ADAMTS6: variants seen among roughly 807,000 people sequenced by gnomAD.
ADAMTS6 encodes the protein A disintegrin and metalloproteinase with thrombospondin motifs 6.
A neutral mutation model predicts 144.3 loss-of-function variants in ADAMTS6; 23 were observed. That is an observed-to-expected ratio of 0.16 (90% CI 0.11 to 0.23). The LOEUF is 0.23. Among genes scored for constraint, ADAMTS6 ranks in the 10% least tolerant of loss-of-function variants. ADAMTS6 has a pLI of 1.00. For synonymous variants in ADAMTS6, 444 were observed against 457.5 expected (o/e 0.97, Z 0.38); for missense variants, 999 against 1,379.6 (o/e 0.72, Z 4.37).
intron 20 of ADAMTS6, among the ~76,000 whole-genome samples, chr5:65,209,351 T>C (rs895345139): frequency 3.3e-5 from 5 of 152,192 alleles, no homozygotes; most frequent in Non-Finnish European, 7.4e-5. Flanking sequence ...CAAATTCTAG[T>C]AGCAATGGTT....
At chr5:65,206,871 TACAC>T (rs369239207) in intron 20 of ADAMTS6, among the ~76,000 whole-genome samples, 1 of 135,726 alleles carries the variant, frequency 7.4e-6, no homozygotes, top group African/African-American at 2.8e-5. Context: ...CACACACAAA[TACAC>T]ACACACACAG....
intron 7 of ADAMTS6, among the ~76,000 whole-genome samples, chr5:65,361,068 T>C (rs1749783857): frequency 6.6e-6 from 1 of 152,154 alleles, no homozygotes; most frequent in African/African-American, 2.4e-5. Flanking sequence ...CAGAGTAGCA[T>C]GAACCTCTCT....
intron 9 of ADAMTS6, among the ~76,000 whole-genome samples, chr5:65,315,457 T>G (rs1303864585): frequency 6.6e-6 from 1 of 151,828 alleles, no homozygotes; most frequent in Non-Finnish European, 1.5e-5. Flanking sequence ...ATACAATAAA[T>G]AGAAAAGTTA....
At chr5:65,171,934 C>T (rs566738701) in intron 23 of ADAMTS6, among the ~76,000 whole-genome samples, 6 of 151,826 alleles carry the variant, frequency 4.0e-5, no homozygotes, top group African/African-American at 7.2e-5. Flanking sequence ...AATCTATGGG[C>T]CTGCCATCGA....
intron 21 of ADAMTS6, among the ~76,000 whole-genome samples, chr5:65,195,624 G>A (rs562828247): frequency 6.6e-6 from 1 of 152,292 alleles, no homozygotes; most frequent in Admixed American, 6.5e-5. Flanking sequence ...TGGTTTAAAC[G>A]TTATTTGGGA....
intron 11 of ADAMTS6, among the ~76,000 whole-genome samples, chr5:65,284,465 A>G (rs1219366768): frequency 6.6e-6 from 1 of 152,154 alleles, no homozygotes; most frequent in Admixed American, 6.6e-5. Flanking sequence ...GGTTTGTTTC[A>G]GTGAGAAAAT....
chr5:65,328,893 G>GA (rs1561429844), intron 9 of ADAMTS6, among the ~76,000 whole-genome samples: 1 of 148,884 alleles, frequency 6.7e-6, no homozygotes, highest in Admixed American at 6.7e-5. Context: ...ACTTCTTGCA[G>GA]TTTTTTTTTT....
chr5:65,438,419 T>C (rs74929530), intron 7 of ADAMTS6, among the ~76,000 whole-genome samples: 2,524 of 152,188 alleles, frequency 0.017, 30 homozygotes, highest in East Asian at 0.084. Context: ...TCCCAGCTAC[T>C]TGGGAGGCTG....
chr5:65,371,926 G>A (rs966455664), intron 7 of ADAMTS6, among the ~76,000 whole-genome samples: 13 of 152,032 alleles, frequency 8.6e-5, no homozygotes, highest in Admixed American at 2.0e-4. Context: ...TGGACCTCTC[G>A]GCAGAAACTC....
At chr5:65,390,595 G>A (rs1197728961) in intron 7 of ADAMTS6, among the ~76,000 whole-genome samples, 1 of 152,184 alleles carries the variant, frequency 6.6e-6, no homozygotes, top group African/African-American at 2.4e-5. Context: ...TTCTGCATAT[G>A]TTCTAAAAGG....
intron 7 of ADAMTS6, among the ~76,000 whole-genome samples, chr5:65,372,542 A>G (rs1751063484): frequency 6.6e-6 from 1 of 152,042 alleles, no homozygotes; most frequent in South Asian, 2.1e-4. Context: ...GGATCAATTC[A>G]ACAAGAAGAG....
chr5:65,209,361 T>C (rs1451135288), intron 20 of ADAMTS6, among the ~76,000 whole-genome samples: 2 of 152,218 alleles, frequency 1.3e-5, no homozygotes, highest in African/African-American at 4.8e-5. Flanking sequence ...TAGCAATGGT[T>C]CTGGAAATAG....
At chr5:65,417,013 C>T (rs904465810) in intron 7 of ADAMTS6, among the ~76,000 whole-genome samples, 3 of 152,034 alleles carry the variant, frequency 2.0e-5, no homozygotes, top group African/African-American at 4.8e-5. Flanking sequence ...AACAGCATAA[C>T]AAAAAGTTAA....
At chr5:65,248,273 C>T (rs1041034189) in intron 14 of ADAMTS6, among the ~76,000 whole-genome samples, 1 of 152,054 alleles carries the variant, frequency 6.6e-6, no homozygotes, top group African/African-American at 2.4e-5. Flanking sequence ...TCTCTTTTTT[C>T]TCCCAAATAG....
chr5:65,338,646 A>C (rs1284300895), intron 7 of ADAMTS6, among the ~76,000 whole-genome samples: 1 of 151,932 alleles, frequency 6.6e-6, no homozygotes, highest in East Asian at 1.9e-4. Context: ...ACACCCTCCC[A>C]GCCAGCCAAG....
intron 20 of ADAMTS6, among the ~76,000 whole-genome samples, chr5:65,209,353 G>C (rs1756335406): frequency 6.6e-6 from 1 of 152,194 alleles, no homozygotes; most frequent in Non-Finnish European, 1.5e-5. Context: ...AATTCTAGTA[G>C]CAATGGTTCT....
intron 23 of ADAMTS6, among the ~76,000 whole-genome samples, chr5:65,172,371 G>A (rs1230652991): frequency 2.7e-5 from 4 of 150,696 alleles, no homozygotes; most frequent in East Asian, 2.0e-4. Context: ...CCGAGATCGC[G>A]CCACTGCACT....
intron 14 of ADAMTS6, among the ~76,000 whole-genome samples, chr5:65,248,484 T>G (rs960593240): frequency 4.6e-5 from 7 of 152,106 alleles, no homozygotes; most frequent in African/African-American, 1.7e-4. Context: ...ACAGCAAAAC[T>G]CTTTCCCTGA....
At chr5:65,170,379 C>T (rs546735851) in intron 24 of ADAMTS6, among the ~76,000 whole-genome samples, 1 of 152,282 alleles carries the variant, frequency 6.6e-6, no homozygotes, top group South Asian at 2.1e-4. Context: ...ACTCCAATTT[C>T]TTATTTTATA....
Sources: gnomAD v4.1 joint callset for allele counts (sites outside exome capture counted in the v4.1 genomes callset) on GRCh38, gnomAD v4.1.1 for gene constraint, MANE v1.5 for transcripts, NCBI Gene and HGNC (gene_info 2026-07-23, HGNC 2026-07-21) for gene names.